The following AUNIP variants were observed in gnomAD, a reference collection of about 807,000 sequenced individuals.
AUNIP encodes aurora kinase A and ninein interacting protein, also known as aurora kinase A- and ninein-interacting protein.
AUNIP carries 16 observed loss-of-function variants against 12.2 expected under a neutral mutation model. The ratio of observed to expected loss-of-function variants is 1.31; its 90% CI spans 0.88 to 1.99. The LOEUF is 1.99. Ranked by LOEUF, AUNIP falls within the 30% of genes most tolerant of loss-of-function variation. The pLI, the probability that AUNIP is intolerant of heterozygous loss-of-function variation, is 0.00. For missense variants in AUNIP, 411 were observed against 419.1 expected (o/e 0.98, Z 0.17); for synonymous variants, 142 against 154.8 (o/e 0.92, Z 0.61).
chr1:25,853,126 T>C lies in AUNIP; in HGVS notation c.78+6154A>G, dbSNP rs187145272. On this transcript the variant is annotated intron_variant, in intron 1 of 2. Transcript: ENST00000374298. ...TGTTGGGTAGACTGTTCTATATTTTTGTCTGTTAGGTCTACCTGGTTTATA... is the reference window on the plus strand; with the variant it reads ...TGTTGGGTAGACTGTTCTATATTTTCGTCTGTTAGGTCTACCTGGTTTATA... 2.2e-3 allele frequency among the ~76,000 whole-genome samples: 341 copies of C among 152,340 alleles called. 3 individuals are homozygous for C. Among genetic ancestry groups the C allele is most frequent in the Non-Finnish European group, 3.8e-3 (258 of 68,022 alleles).
chr1:25,847,542 G>A lies in AUNIP; in HGVS notation c.79-9988C>T, dbSNP rs2048392904. ...AGCCTCCAAAAGTGCTGGGATTACA[G>A]GCATAAACCACCACACCCGACCTTA... On this transcript the variant is annotated intron_variant, in intron 1 of 2. Transcript: ENST00000374298. The surrounding 1 kb of genome is among the most constrained non-coding windows in gnomAD (Gnocchi z 4.2). 6.6e-6 allele frequency among the ~76,000 whole-genome samples: 1 copy of A among 152,036 alleles called. No individual in the cohort carries two copies. Among genetic ancestry groups the A allele is most frequent in the South Asian group, 2.1e-4 (1 of 4,820 alleles).
chr1:25,835,930 T>C lies in AUNIP; in HGVS notation c.221-84A>G. ...CAGTTGGCTTTTTCTGAAATCAGTATCAGCTACTATTACTACCTAGTGCAG... is the reference window on the plus strand; with the variant it reads ...CAGTTGGCTTTTTCTGAAATCAGTACCAGCTACTATTACTACCTAGTGCAG... On this transcript the variant is annotated intron_variant, in intron 2 of 2. Coordinates refer to ENST00000374298, the MANE Select transcript of AUNIP (RefSeq NM_024037.3). 1.9e-6 allele frequency: 3 copies of C among 1,541,406 alleles called. No individual in the cohort carries two copies. In the South Asian group the frequency reaches 3.8e-5, roughly 19 times the overall value.
Position 25,854,880 on chromosome 1 carries a change from C to G in AUNIP, c.78+4400G>C, listed in dbSNP as rs1466663448. Among the ~76,000 whole-genome samples, 3 of 151,994 alleles carry G rather than the reference C, an allele frequency of 2.0e-5. No homozygotes were observed. In the East Asian group the frequency reaches 5.8e-4, roughly 29 times the overall value. ...CTGCTTGAGTGTCCTCACAACATGA[C>G]AGCTGGCTTCTCCCAAAGAGACAAT... On this transcript the variant is annotated intron_variant, in intron 1 of 2. Transcript: ENST00000374298.
At chr1:25,850,099 G>A (rs1278088266) in intron 1 of AUNIP, among the ~76,000 whole-genome samples, 1 of 151,640 alleles carries the variant, frequency 6.6e-6, no homozygotes, top group Non-Finnish European at 1.5e-5. Flanking sequence ...TACTTAAATG[G>A]GCAAATTTTA....
At chr1:25,848,767 C>A (rs1480085026) in intron 1 of AUNIP, among the ~76,000 whole-genome samples, 5 of 152,208 alleles carry the variant, frequency 3.3e-5, no homozygotes, top group Admixed American at 3.3e-4. Flanking sequence ...CAAAACAACT[C>A]TGGATATCAA....
At chr1:25,843,187 T>A (rs867623068) in intron 1 of AUNIP, among the ~76,000 whole-genome samples, 1,946 of 136,586 alleles carry the variant, frequency 0.014, 36 homozygotes, top group African/African-American at 0.054. Flanking sequence ...AAAAAAAAAA[T>A]ATATATATAT....
At chr1:25,832,830 C>T (rs781309366), downstream of AUNIP, 3 of 154,828 alleles carry the variant, frequency 1.9e-5, no homozygotes, top group Non-Finnish European at 4.3e-5. Context: ...GTATGTACCA[C>T]ACCATGCATG....
intron 1 of AUNIP, among the ~76,000 whole-genome samples, chr1:25,858,204 C>T (rs2048478541): frequency 1.3e-5 from 2 of 152,126 alleles, no homozygotes; most frequent in South Asian, 4.2e-4. Context: ...ATAAAATGAT[C>T]AAATTTCTTA....
intron 1 of AUNIP, among the ~76,000 whole-genome samples, chr1:25,845,954 T>A (rs1339707778): frequency 2.0e-5 from 3 of 152,136 alleles, no homozygotes; most frequent in Admixed American, 2.0e-4. Flanking sequence ...CAAAGTAATC[T>A]AACAACACAA....
rs1333863770 is a variant in AUNIP at position 25,859,353 on chromosome 1, C to T, written c.5G>A (p.Arg2Lys). The T allele has an allele frequency of 3.1e-5, 47 of 1,537,544 alleles. No individual in the cohort carries two copies. The highest frequency in any genetic ancestry group is 3.7e-5 in the Non-Finnish European group (42 of 1,145,218). Residue 2 changes from arginine (R) to lysine (K), a missense_variant, in exon 1 of 3, where the codon AGG becomes AAG. By Grantham distance (26) the Arg-to-Lys change is conservative. Transcript: ENST00000374298. ...GGCCTCCTCCTCGGGGCCTGTCCGC[C>T]TCATGGCCGCTGAGGAGACGAAGCC... The part of the protein sequence containing the change: M[R>K]RTGPEEEACG...
intron 1 of AUNIP, among the ~76,000 whole-genome samples, chr1:25,844,255 C>A (rs1177667552): frequency 6.6e-6 from 1 of 152,092 alleles, no homozygotes; most frequent in Non-Finnish European, 1.5e-5. Context: ...TATAGGTGTG[C>A]ACCACCATGC....
chr1:25,835,247 A>G lies in AUNIP; in HGVS notation c.820T>C (p.Trp274Arg). 6.2e-7 allele frequency: 1 copy of G among 1,614,254 alleles called. No individual in the cohort carries two copies. ...TCCTTGTCATTCTTTTCATTGTCCC[A>G]GGAAAACACAGAAACTGGACTACGG... ...QSRSPVSVFS[W>R]DNEKNDKDSW... is the part of the protein sequence containing the mutation. The change falls in exon 3 of 3, where the codon TGG becomes CGG. Residue 274 changes from tryptophan to arginine, a missense_variant. Coordinates refer to ENST00000374298, the MANE Select transcript of AUNIP (RefSeq NM_024037.3).
At chr1:25,845,622 C>T (rs1429876159) in intron 1 of AUNIP, among the ~76,000 whole-genome samples, 4 of 152,242 alleles carry the variant, frequency 2.6e-5, no homozygotes, top group African/African-American at 9.6e-5. Context: ...AAAATCCCAA[C>T]ATCAGCATGT....
At chr1:25,855,060 A>C (rs1445239786) in intron 1 of AUNIP, among the ~76,000 whole-genome samples, 1 of 149,324 alleles carries the variant, frequency 6.7e-6, no homozygotes, top group Non-Finnish European at 1.5e-5. Context: ...GGCTTCAAGC[A>C]ATTCTCCTGC....
At chr1:25,840,608 T>C (rs943703891) in intron 1 of AUNIP, among the ~76,000 whole-genome samples, 6 of 152,230 alleles carry the variant, frequency 3.9e-5, no homozygotes, top group African/African-American at 1.4e-4. Flanking sequence ...TCCCTCACCT[T>C]GAACTTGGAA....
chr1:25,834,245 A>G lies in AUNIP; in HGVS notation c.*748T>C, dbSNP rs1287015711. ...ACCTGGGTTGTGGGGAGATTTGCTA[A>G]TCACTGAAAAAAAAGGGTCAAGAGT... On this transcript the variant is annotated 3_prime_UTR_variant, in exon 3 of 3. Coordinates refer to ENST00000374298, the MANE Select transcript of AUNIP (RefSeq NM_024037.3). 2 of 985,232 alleles carry G rather than the reference A, an allele frequency of 2.0e-6. No individual in the cohort carries two copies. The highest frequency in any genetic ancestry group is 3.5e-5 in the African/African-American group (2 of 57,208). The allele number at this position is 985,232 out of a possible 1,614,324, so 61.0% of individuals were successfully genotyped here.
At chr1:25,851,367 G>A (rs555609176) in intron 1 of AUNIP, among the ~76,000 whole-genome samples, 2 of 152,260 alleles carry the variant, frequency 1.3e-5, no homozygotes, top group South Asian at 4.1e-4. Context: ...TAGTATCAGA[G>A]TAATACTGGC....
intron 2 of AUNIP, among the ~76,000 whole-genome samples, chr1:25,836,227 G>C (rs989005912): frequency 6.6e-6 from 1 of 152,164 alleles, no homozygotes; most frequent in Non-Finnish European, 1.5e-5. Flanking sequence ...ACTAAATGGT[G>C]ATCCTGGTCA....
rs1209044928 is a variant in AUNIP, at chr1:25,847,989, T to C, written c.79-10435A>G. 6.6e-6 allele frequency among the ~76,000 whole-genome samples: 1 copy of C among 152,002 alleles called. No homozygotes were observed. Among genetic ancestry groups the C allele is most frequent in the East Asian group, 1.9e-4 (1 of 5,180 alleles). ...CAACTAAAAATAAACAACTTTCAAC[T>C]TCTGCCATCCTGGACTAAGCCCTTG... On this transcript the variant is annotated intron_variant, in intron 1 of 2. Transcript: ENST00000374298. The surrounding 1 kb of genome is among the most constrained non-coding windows in gnomAD (Gnocchi z 4.2).
Sources: allele counts gnomAD v4.1 joint callset (sites outside exome capture counted in the v4.1 genomes callset), GRCh38; gene constraint gnomAD v4.1.1; non-coding constraint Gnocchi (gnomAD v3.1); transcripts MANE v1.5; gene names NCBI Gene and HGNC (gene_info 2026-07-23, HGNC 2026-07-21).